PHACTR2: variants seen among roughly 807,000 people sequenced by gnomAD.
PHACTR2 encodes the protein phosphatase and actin regulator 2.
PHACTR2 carries 30 observed loss-of-function variants against 76.0 expected under a neutral mutation model. The observed-to-expected ratio is 0.39, with a 90% CI of 0.30 to 0.54. PHACTR2 has a LOEUF of 0.54. Among genes scored for constraint, PHACTR2 ranks in the 20% least tolerant of loss-of-function variants. The pLI, the probability that PHACTR2 is intolerant of heterozygous loss-of-function variation, is 0.61. For missense variants in PHACTR2, 696 were observed against 781.1 expected (o/e 0.89, Z 1.30); for synonymous variants, 292 against 292.5 (o/e 1.00, Z 0.02).
In PHACTR2 at chr6:143,801,155, A is replaced by C. The variant is rs1775945593; in HGVS notation, c.1846-5902A>C. 1.3e-5 allele frequency among the ~76,000 whole-genome samples: 2 copies of C among 152,190 alleles called. No homozygotes were observed. Among genetic ancestry groups the C allele is most frequent in the South Asian group, 4.2e-4 (2 of 4,808 alleles). On this transcript the variant is annotated intron_variant, in intron 11 of 12. Coordinates refer to ENST00000440869, the MANE Select transcript of PHACTR2 (RefSeq NM_001100164.2). The surrounding 1 kb of genome is among the most constrained non-coding windows in gnomAD (Gnocchi z 4.6). ...TTTTCCTCCATTTCAACCTTCGTGA[A>C]TCTGACAGTTATGTGTCTTGGGGTT... is the stretch of plus-strand genomic sequence containing the variant.
At position 143,738,743 on chromosome 6, in the gene PHACTR2, A is replaced by C. The variant is rs1260714786; in HGVS notation, c.215-10242A>C. Among the ~76,000 whole-genome samples, 1 of 152,056 alleles carries C rather than the reference A, an allele frequency of 6.6e-6. No individual in the cohort carries two copies. Among genetic ancestry groups the C allele is most frequent in the East Asian group, 1.9e-4 (1 of 5,178 alleles). On this transcript the variant is annotated intron_variant, in intron 2 of 12. Coordinates refer to ENST00000440869, the MANE Select transcript of PHACTR2 (RefSeq NM_001100164.2). The surrounding 1 kb of genome is among the most constrained non-coding windows in gnomAD (Gnocchi z 4.0). ...TGTACTCCAGCCTGGGTGATAGAGC[A>C]GGACCTTGTCTCAAAAAAAAAAGAA...
rs555455616 is a variant in PHACTR2, at chr6:143,690,406, C to A, written c.46+12197C>A. Among the ~76,000 whole-genome samples the A allele has an allele frequency of 7.3e-5, 11 of 151,554 alleles. No homozygotes were observed. In the East Asian group the frequency reaches 2.1e-3, roughly 29 times the overall value. On this transcript the variant is annotated intron_variant, in intron 1 of 12. Transcript: ENST00000440869. ...ATCTTCAGATTGCTGGATCCCATGC[C>A]CCCTTTTTTTTTCTGGGTCTATTTC...
chr6:143,673,227 G>C (rs963340537), upstream of PHACTR2, among the ~76,000 whole-genome samples: 1 of 151,990 alleles, frequency 6.6e-6, no homozygotes, highest in Non-Finnish European at 1.5e-5. Flanking sequence ...TATTTCAGAG[G>C]GGCATACAAA....
At chr6:143,576,874 TCAAA>T (rs1384235324) in intron 1 of PHACTR2, among the ~76,000 whole-genome samples, 1 of 40,052 alleles carries the variant, frequency 2.5e-5, no homozygotes, top group Non-Finnish European at 4.1e-5. Flanking sequence ...AGACTCTGTC[TCAAA>T]AAAAAAAAAA....
Position 143,617,165 on chromosome 6 carries a change from T to G in PHACTR2, c.13+8843T>G, listed in dbSNP as rs1776071485. Among the ~76,000 whole-genome samples, 1 of 152,146 alleles carries G rather than the reference T, an allele frequency of 6.6e-6. No homozygotes were observed. Among genetic ancestry groups the G allele is most frequent in the South Asian group, 2.1e-4 (1 of 4,826 alleles). On this transcript the variant is annotated intron_variant, in intron 1 of 11. Coordinates refer to the PHACTR2 transcript ENST00000305766. This position sits in a 1 kb window ranked among gnomAD's most constrained non-coding sequence, Gnocchi z 4.8. ...GGCAGTGGGGAAGGGGAGAGGAAAC[T>G]TACTTCAATCCCAGCCCTGTGTCAA... is the stretch of plus-strand genomic sequence containing the variant.
chr6:143,747,441 C>A (rs1048353247), intron 2 of PHACTR2, among the ~76,000 whole-genome samples: 3 of 152,206 alleles, frequency 2.0e-5, no homozygotes, highest in African/African-American at 7.2e-5. Context: ...TTGCTTGAGG[C>A]CCTGGAGCCC....
At position 143,807,025 on chromosome 6, in the gene PHACTR2, A is replaced by G; in HGVS notation, c.1846-32A>G. The G allele has an allele frequency of 8.1e-7, 1 of 1,229,162 alleles. No individual in the cohort carries two copies. The highest frequency in any genetic ancestry group is 1.2e-6 in the Non-Finnish European group (1 of 838,588). The allele number at this position is 1,229,162 out of a possible 1,614,324, so 76.1% of individuals were successfully genotyped here. On this transcript the variant is annotated intron_variant, in intron 11 of 12. Transcript: ENST00000440869. This position sits in a 1 kb window ranked among gnomAD's most constrained non-coding sequence, Gnocchi z 5.5. ...TGGGGCAATATATGACCTAAATAAC[A>G]GTTCTGTTTATCTATTTTTTTTCCT...
chr6:143,725,408 G>A (rs1383732125), intron 2 of PHACTR2, among the ~76,000 whole-genome samples: 2 of 149,932 alleles, frequency 1.3e-5, no homozygotes, highest in Non-Finnish European at 3.0e-5. Flanking sequence ...CACCATGTTA[G>A]CCAGGATGGT....
At position 143,548,935 on chromosome 6, in the gene PHACTR2, A is replaced by G. The variant is rs141804479; in HGVS notation, c.217+11728A>G. Reference sequence around the variant, plus strand: ...TGAGGCATGTTCCTAGGGAACAACAAGATAAGAATAGGAAGGATGATGGAA... The same window carrying G: ...TGAGGCATGTTCCTAGGGAACAACAGGATAAGAATAGGAAGGATGATGGAA... On this transcript the variant is annotated intron_variant, in intron 1 of 11. Transcript: ENST00000367584. This position sits in a 1 kb window ranked among gnomAD's most constrained non-coding sequence, Gnocchi z 4.5. Among the ~76,000 whole-genome samples, 954 of 152,096 alleles carry G rather than the reference A, an allele frequency of 6.3e-3. 18 individuals carry two copies. Among genetic ancestry groups the G allele is most frequent in the Non-Finnish European group, 9.0e-3 (610 of 67,952 alleles).
In PHACTR2 at chr6:143,617,046, G is replaced by A. The variant is rs914987208; in HGVS notation, c.13+8724G>A. Among the ~76,000 whole-genome samples the A allele has an allele frequency of 6.6e-6, 1 of 152,192 alleles. No homozygotes were observed. The highest frequency in any genetic ancestry group is 1.5e-5 in the Non-Finnish European group (1 of 68,032). ...TACCAGCTTTCAGGAGCCTTTGAAG[G>A]GTTTTACGAGACTGGGAAGAATGGA... On this transcript the variant is annotated intron_variant, in intron 1 of 11. Transcript: ENST00000305766. The surrounding 1 kb of genome is among the most constrained non-coding windows in gnomAD (Gnocchi z 4.8).
Position 143,826,347 on chromosome 6 carries a change from A to G in PHACTR2, c.*2658A>G, listed in dbSNP as rs1776530512. 1 of 152,264 alleles carries G rather than the reference A, an allele frequency of 6.6e-6. No homozygotes were observed. The highest frequency in any genetic ancestry group is 1.5e-5 in the Non-Finnish European group (1 of 68,062). 9.4% of individuals were successfully genotyped at this position (152,264 alleles called of 1,614,324 possible). A position where few individuals can be genotyped will look rare whatever the true frequency, so the allele number is the denominator to read the frequency against. On this transcript the variant is annotated 3_prime_UTR_variant, in exon 13 of 13. Transcript: ENST00000440869. ...CCACCACCAGCGTTTCAGCAATCCA[A>G]CCAGTAAGCATATGCTGTATAGGAA...
intron 1 of PHACTR2, among the ~76,000 whole-genome samples, chr6:143,614,446 C>T (rs908705943): frequency 1.3e-5 from 2 of 152,166 alleles, no homozygotes; most frequent in African/African-American, 2.4e-5. Context: ...TTCTTCCTCT[C>T]CGGAGTTCTT....
rs1201753628 is a variant in PHACTR2 at position 143,581,449 on chromosome 6, T to G, written c.217+44242T>G. ...GGCATGATCTCGGAGAGGGCGCTTG[T>G]TTGGGGGTTACTCAGTGAGACCTGG... On this transcript the variant is annotated intron_variant, in intron 1 of 11. Coordinates refer to the PHACTR2 transcript ENST00000367584. The surrounding 1 kb of genome is among the most constrained non-coding windows in gnomAD (Gnocchi z 4.5). 2.6e-5 allele frequency among the ~76,000 whole-genome samples: 4 copies of G among 151,796 alleles called. No individual in the cohort carries two copies. The highest frequency in any genetic ancestry group is 1.3e-4 in the Admixed American group (2 of 15,244).
rs1439911579 is a variant in PHACTR2, at chr6:143,662,823, T to A, written c.14-49193T>A. On this transcript the variant is annotated intron_variant, in intron 1 of 11. Coordinates refer to the PHACTR2 transcript ENST00000305766. The surrounding 1 kb of genome is among the most constrained non-coding windows in gnomAD (Gnocchi z 4.7). The stretch of plus-strand genomic sequence containing the variant: ...ATGGGTGTATATTGCACCCAGACAG[T>A]GAGCAGAGTACCCAATAGGTAGTTT... 6.6e-6 allele frequency among the ~76,000 whole-genome samples: 1 copy of A among 152,194 alleles called. No individual in the cohort carries two copies.
chr6:143,537,176 C>G lies in PHACTR2; in HGVS notation c.186C>G (p.Gly62=). ...ACCTCTCGTCGTCCTCGAGCAGGGG[C>G]CGCCCGCTCCGGGTCCACATCTCCG... is the stretch of plus-strand genomic sequence containing the variant. Residue 62 remains glycine, a synonymous_variant, in exon 1 of 12, where the codon GGC becomes GGG. Transcript: ENST00000367584. The surrounding 1 kb of genome is among the most constrained non-coding windows in gnomAD (Gnocchi z 4.4). 3.3e-6 allele frequency: 1 copy of G among 303,938 alleles called. No individual in the cohort carries two copies. The highest frequency in any genetic ancestry group is 6.4e-6 in the Non-Finnish European group (1 of 156,466). 18.8% of individuals were successfully genotyped at this position (303,938 alleles called of 1,614,324 possible).
intron 1 of PHACTR2, among the ~76,000 whole-genome samples, chr6:143,586,856 T>C (rs1287000810): frequency 5.3e-5 from 8 of 152,186 alleles, no homozygotes; most frequent in Non-Finnish European, 8.8e-5. Flanking sequence ...TCTGGTCCAG[T>C]GTTCGAGCCC....
Position 143,761,895 on chromosome 6 carries a change from A to G in PHACTR2, c.694+1255A>G, listed in dbSNP as rs558023141. On this transcript the variant is annotated intron_variant, in intron 5 of 12. Transcript: ENST00000440869. This position sits in a 1 kb window ranked among gnomAD's most constrained non-coding sequence, Gnocchi z 5.2. Reference sequence around the variant, plus strand: ...TTCAGAGAGCGGTTTAGTTGACAGTATAACAGATCTCTGAATGCCAATAGA... The same window carrying G: ...TTCAGAGAGCGGTTTAGTTGACAGTGTAACAGATCTCTGAATGCCAATAGA... Among the ~76,000 whole-genome samples the G allele has an allele frequency of 3.3e-5, 5 of 152,336 alleles. No individual in the cohort carries two copies. The South Asian group carries it at 6.2e-4, about 19-fold the overall frequency.
intron 1 of PHACTR2, among the ~76,000 whole-genome samples, chr6:143,568,476 A>C (rs1274678296): frequency 6.6e-6 from 1 of 152,166 alleles, no homozygotes; most frequent in East Asian, 1.9e-4. Flanking sequence ...AGAGCCCAAC[A>C]CTTAAGGAGG....
In PHACTR2 at chr6:143,702,467, G is replaced by C. The variant is rs187295122; in HGVS notation, c.47-9549G>C. On this transcript the variant is annotated intron_variant, in intron 1 of 12. Transcript: ENST00000440869. ...TTTTAGAGCTACTAGGAGTGTTGCT[G>C]GTTCACCATGAGTTTAGCTATCATA... Among the ~76,000 whole-genome samples the C allele has an allele frequency of 4.7e-3, 720 of 152,168 alleles. 4 individuals are homozygous for C. Among genetic ancestry groups the C allele is most frequent in the Non-Finnish European group, 8.4e-3 (574 of 68,008 alleles).
Sources: allele counts gnomAD v4.1 joint callset (sites outside exome capture counted in the v4.1 genomes callset), GRCh38; gene constraint gnomAD v4.1.1; non-coding constraint Gnocchi (gnomAD v3.1); transcripts MANE v1.5; gene names NCBI Gene and HGNC (gene_info 2026-07-23, HGNC 2026-07-21).